Variants in FYN observed in about 807,000 individuals in gnomAD.
FYN encodes the protein tyrosine-protein kinase Fyn.
Under a neutral mutation model 70.2 loss-of-function variants are expected in FYN, and 10 were observed. The ratio of observed to expected loss-of-function variants is 0.14; its 90% CI spans 0.09 to 0.24. The LOEUF (loss-of-function observed/expected upper bound fraction) is 0.24. FYN is among the 10% of genes least tolerant of loss of function. FYN has a pLI of 1.00. For synonymous variants in FYN, 236 were observed against 248.6 expected, an observed-to-expected ratio of 0.95 and a Z score of 0.48; for missense variants, 319 against 673.1, an observed-to-expected ratio of 0.47 and a Z score of 5.82.
At chr6:111,799,518 G>A (rs1216009982) in intron 2 of FYN, among the ~76,000 whole-genome samples, 2 of 152,164 alleles carry the variant, frequency 1.3e-5, no homozygotes, top group Non-Finnish European at 2.9e-5. Context: ...CCTGGTGTTC[G>A]CATTTTATGT....
chr6:111,777,613 A>G (rs761136612), intron 3 of FYN, among the ~76,000 whole-genome samples: 57 of 152,098 alleles, frequency 3.7e-4, no homozygotes, highest in Non-Finnish European at 7.4e-4. Context: ...GGCTTCAGAT[A>G]TTACCAAATG....
At chr6:111,743,511 A>T (rs1210556122) in intron 3 of FYN, among the ~76,000 whole-genome samples, 1 of 152,216 alleles carries the variant, frequency 6.6e-6, no homozygotes, top group Non-Finnish European at 1.5e-5. Flanking sequence ...TCACGTGATC[A>T]GTCCCTTCCT....
intron 1 of FYN, among the ~76,000 whole-genome samples, chr6:111,864,127 T>C (rs965797737): frequency 1.3e-5 from 2 of 152,216 alleles, no homozygotes; most frequent in Admixed American, 1.3e-4. Context: ...ATATTCTGTT[T>C]GTCACTCTGC....
At chr6:111,849,179 C>A (rs1017122057) in intron 1 of FYN, among the ~76,000 whole-genome samples, 1 of 152,178 alleles carries the variant, frequency 6.6e-6, no homozygotes, top group African/African-American at 2.4e-5. Flanking sequence ...ACTGAAGTGA[C>A]CCAGATAGCC....
chr6:111,844,797 G>A (rs1434509377), intron 2 of FYN: 1 of 152,204 alleles, frequency 6.6e-6, no homozygotes, highest in Non-Finnish European at 1.5e-5. Context: ...TTAGACTGGT[G>A]GCCAACAGCC....
chr6:111,715,499 T>C (rs1800592735), intron 4 of FYN, among the ~76,000 whole-genome samples: 3 of 152,308 alleles, frequency 2.0e-5, no homozygotes, highest in Middle Eastern at 3.4e-3. Flanking sequence ...CTCAACAGAA[T>C]GTGCAGTCCC....
At chr6:111,733,949 T>C (rs762139358) in intron 3 of FYN, among the ~76,000 whole-genome samples, 2 of 151,988 alleles carry the variant, frequency 1.3e-5, no homozygotes, top group Non-Finnish European at 2.9e-5. Flanking sequence ...TAGCCAGGCA[T>C]GGTGGTATGT....
chr6:111,725,795 A>C (rs1427772156), intron 3 of FYN, among the ~76,000 whole-genome samples: 2 of 152,184 alleles, frequency 1.3e-5, no homozygotes, highest in African/African-American at 2.4e-5. Context: ...GCTGTCCCCC[A>C]GGACTCCTAC....
chr6:111,746,304 A>G (rs997425680), intron 3 of FYN, among the ~76,000 whole-genome samples: 3 of 152,224 alleles, frequency 2.0e-5, no homozygotes, highest in Admixed American at 6.5e-5. Context: ...TCATCACCCT[A>G]GAAAGATGCA....
At chr6:111,751,628 C>CT (rs34223862) in intron 3 of FYN, among the ~76,000 whole-genome samples, 48 of 149,750 alleles carry the variant, frequency 3.2e-4, no homozygotes, top group South Asian at 2.3e-3. Flanking sequence ...CAAATTCTTT[C>CT]TTTTTTTTTT....
intron 3 of FYN, among the ~76,000 whole-genome samples, chr6:111,777,828 T>A (rs1771011625): frequency 6.6e-6 from 1 of 152,208 alleles, no homozygotes; most frequent in Non-Finnish European, 1.5e-5. Context: ...TAAAGATCCA[T>A]CAACAGCACC....
intron 2 of FYN, among the ~76,000 whole-genome samples, chr6:111,842,234 A>G (rs1179479491): frequency 6.6e-6 from 1 of 152,152 alleles, no homozygotes; most frequent in African/African-American, 2.4e-5. Flanking sequence ...TTGGCCTCCT[A>G]TAGTTTCTGA....
At chr6:111,677,777 C>T (rs1020490647) in intron 12 of FYN, among the ~76,000 whole-genome samples, 20 of 152,088 alleles carry the variant, frequency 1.3e-4, no homozygotes, top group Admixed American at 9.8e-4. Flanking sequence ...TACAGAACAA[C>T]GGAGAAAACA....
intron 3 of FYN, among the ~76,000 whole-genome samples, chr6:111,752,476 C>A (rs1269377278): frequency 6.6e-6 from 1 of 152,178 alleles, no homozygotes; most frequent in African/African-American, 2.4e-5. Flanking sequence ...AGTCAAGGCT[C>A]CATTGAGGAG....
chr6:111,804,117 C>A (rs991372346), intron 2 of FYN, among the ~76,000 whole-genome samples: 6 of 152,250 alleles, frequency 3.9e-5, no homozygotes, highest in African/African-American at 1.4e-4. Context: ...CTAAAGTAAA[C>A]CAAATAAACC....
At chr6:111,732,725 CT>C (rs1439616718) in intron 3 of FYN, among the ~76,000 whole-genome samples, 1 of 152,234 alleles carries the variant, frequency 6.6e-6, no homozygotes, top group Non-Finnish European at 1.5e-5. Flanking sequence ...CAAAAGGGAG[CT>C]GGTCGTCCTC....
chr6:111,842,182 G>T (rs1007399276), intron 2 of FYN, among the ~76,000 whole-genome samples: 1 of 152,194 alleles, frequency 6.6e-6, no homozygotes, highest in Admixed American at 6.5e-5. Context: ...GGGTCAATCT[G>T]TGTGTGAGGT....
chr6:111,851,193 C>G (rs1214678040), intron 1 of FYN, among the ~76,000 whole-genome samples: 1 of 152,100 alleles, frequency 6.6e-6, no homozygotes, highest in Non-Finnish European at 1.5e-5. Flanking sequence ...TGGGGAAGGC[C>G]CTGGTGTCCC....
At chr6:111,856,684 C>T (rs1048774019) in intron 1 of FYN, among the ~76,000 whole-genome samples, 75 of 151,854 alleles carry the variant, frequency 4.9e-4, no homozygotes, top group African/African-American at 1.8e-3. Flanking sequence ...TAATTATTTG[C>T]TGACTCTTTT....
Sources: allele counts gnomAD v4.1 joint callset (sites outside exome capture counted in the v4.1 genomes callset), GRCh38; gene constraint gnomAD v4.1.1; transcripts MANE v1.5; gene names NCBI Gene and HGNC (gene_info 2026-07-23, HGNC 2026-07-21).